Variants in CCDC186 observed in about 807,000 individuals in gnomAD.
CCDC186 encodes the protein coiled-coil domain-containing protein 186.
A neutral mutation model predicts 113.7 loss-of-function variants in CCDC186; 49 were observed. The ratio of observed to expected loss-of-function variants is 0.43; its 90% confidence interval spans 0.34 to 0.55. The LOEUF (loss-of-function observed/expected upper bound fraction) is 0.55, where lower values mean the gene tolerates loss of function less well. Ranked by LOEUF, CCDC186 falls within the 20% of genes least tolerant of loss-of-function variation. The probability of loss-of-function intolerance (pLI) is 0.02; values close to 1 mark genes in which losing one functional copy is unlikely to be tolerated. For synonymous variants in CCDC186, 355 were observed against 345.8 expected (o/e 1.03, Z -0.30); for missense variants, 890 against 1,011.1 (o/e 0.88, Z 1.62).
intron 2 of CCDC186, among the ~76,000 whole-genome samples, chr10:114,159,703 C>CT (rs1564916788): frequency 6.6e-6 from 1 of 151,316 alleles, no homozygotes; most frequent in Non-Finnish European, 1.5e-5. Flanking sequence ...GCCTGTAATC[C>CT]TGGCACTTTG....
chr10:114,166,498 T>C (rs781325303), intron 1 of CCDC186, among the ~76,000 whole-genome samples: 3 of 152,252 alleles, frequency 2.0e-5, no homozygotes, highest in Non-Finnish European at 2.9e-5. Flanking sequence ...GCCTTTCTTG[T>C]GACCTTTTTG....
rs1369045235 is a variant in CCDC186, at chr10:114,123,474, G to A, written c.*1669C>T. The A allele has an allele frequency of 1.3e-5, 2 of 152,086 alleles. No individual in the cohort carries two copies. Among genetic ancestry groups the A allele is most frequent in the Admixed American group, 1.3e-4 (2 of 15,262 alleles). The allele number at this position is 152,086 out of a possible 1,614,324, so 9.4% of individuals were successfully genotyped here. A position where few individuals can be genotyped will look rare whatever the true frequency, so the allele number is the denominator to read the frequency against. On this transcript the variant is annotated 3_prime_UTR_variant, in exon 16 of 16. Coordinates refer to ENST00000369287, the MANE Select transcript of CCDC186 (RefSeq NM_018017.4). ...CACATTAAAAGGATATTGCCACCAT[G>A]AGCCCAACTTTTAGAGCCCAAACAA...
chr10:114,140,406 A>C (rs1317451923), intron 6 of CCDC186, among the ~76,000 whole-genome samples: 2 of 152,222 alleles, frequency 1.3e-5, no homozygotes, highest in Non-Finnish European at 2.9e-5. Flanking sequence ...AATGAGATGG[A>C]TGGATTGTCA....
At chr10:114,139,817 T>C (rs1373750602) in intron 6 of CCDC186, among the ~76,000 whole-genome samples, 2 of 152,176 alleles carry the variant, frequency 1.3e-5, no homozygotes, top group Non-Finnish European at 2.9e-5. Flanking sequence ...GAAGGAACTT[T>C]ATATATGTTT....
At chr10:114,126,984 C>T (rs1419651880) in intron 14 of CCDC186, among the ~76,000 whole-genome samples, 2 of 152,058 alleles carry the variant, frequency 1.3e-5, no homozygotes, top group Non-Finnish European at 2.9e-5. Flanking sequence ...ACCTGAGCCC[C>T]ACTTATCTGC....
chr10:114,172,661 T>C (rs2032531292), intron 1 of CCDC186, among the ~76,000 whole-genome samples: 1 of 152,240 alleles, frequency 6.6e-6, no homozygotes, highest in African/African-American at 2.4e-5. Flanking sequence ...CGTTTGCCTA[T>C]TATGCTGTAA....
chr10:114,164,291 T>C (rs2119818839), intron 1 of CCDC186, among the ~76,000 whole-genome samples: 1 of 151,478 alleles, frequency 6.6e-6, no homozygotes, highest in Middle Eastern at 3.4e-3. Flanking sequence ...TGGCTAATTT[T>C]TTGTATTTTT....
At chr10:114,170,571 C>T (rs1301261292) in intron 1 of CCDC186, among the ~76,000 whole-genome samples, 2 of 152,138 alleles carry the variant, frequency 1.3e-5, no homozygotes, top group Non-Finnish European at 2.9e-5. Flanking sequence ...AATCTTCTCA[C>T]CTCAACCCCC....
intron 10 of CCDC186, among the ~76,000 whole-genome samples, chr10:114,133,445 G>A (rs564541431): frequency 1.8e-4 from 28 of 152,248 alleles, no homozygotes; most frequent in African/African-American, 6.5e-4. Flanking sequence ...CTTGTGCCTG[G>A]AGCTTAGTGA....
At chr10:114,158,836 A>G (rs191214642) in intron 2 of CCDC186, among the ~76,000 whole-genome samples, 331 of 152,340 alleles carry the variant, frequency 2.2e-3, no homozygotes, top group Admixed American at 4.5e-3. Flanking sequence ...AGGCCTTTCC[A>G]CCTTCTACTT....
At position 114,162,971 on chromosome 10, in the gene CCDC186, T is replaced by C; in HGVS notation, c.298A>G (p.Asn100Asp). 1 of 1,613,634 alleles carries C rather than the reference T, an allele frequency of 6.2e-7. No individual in the cohort carries two copies. Among genetic ancestry groups the C allele is most frequent in the South Asian group, 1.1e-5 (1 of 90,876 alleles). ...SEQIANFPSG[N>D]FAKHISKTNE... ...GTTTTTGAAATATGTTTAGCAAAAT[T>C]TCCACTAGGAAAATTAGCTATTTGT... Residue 100 changes from asparagine to aspartate, a missense_variant, in exon 2 of 16, where the codon AAT (asparagine) becomes GAT (aspartate). Coordinates refer to ENST00000369287, the MANE Select transcript of CCDC186 (RefSeq NM_018017.4).
chr10:114,157,832 T>C, intron 2 of CCDC186, 152 bp from the exon 3 acceptor site: 1 of 639,682 alleles, frequency 1.6e-6, no homozygotes, highest in Non-Finnish European at 2.4e-6. Context: ...CATTTTATAG[T>C]GAAACATAAT....
rs765037667 is a variant in CCDC186, at chr10:114,163,295, A to G, written c.-27T>C. On this transcript the variant is annotated 5_prime_UTR_variant, in exon 2 of 16. Transcript: ENST00000369287. Reference sequence around the variant, plus strand: ...CTGACTGGCACCAATTCACTTTGTAATTCTTCAAATCTGCTCCTGATCTTC... The same window carrying G: ...CTGACTGGCACCAATTCACTTTGTAGTTCTTCAAATCTGCTCCTGATCTTC... 3.9e-5 allele frequency: 61 copies of G among 1,582,318 alleles called. No homozygotes were observed. Among genetic ancestry groups the G allele is most frequent in the Non-Finnish European group, 5.2e-5 (61 of 1,171,642 alleles).
At chr10:114,154,210 C>CAAAAAAA (rs1276405190) in intron 3 of CCDC186, among the ~76,000 whole-genome samples, 2 of 81,142 alleles carry the variant, frequency 2.5e-5, no homozygotes, top group Non-Finnish European at 5.3e-5. Flanking sequence ...GACCTTGTCT[C>CAAAAAAA]AAAAAAAAAA....
intron 3 of CCDC186, 118 bp downstream of exon 3, chr10:114,157,436 C>T (rs1201583201): frequency 1.1e-6 from 1 of 898,284 alleles, no homozygotes; most frequent in Non-Finnish European, 1.6e-6. Context: ...AAGTAATCCG[C>T]CCACCTTGGC....
At position 114,162,655 on chromosome 10, in the gene CCDC186, T is replaced by C. The variant is rs1322594404; in HGVS notation, c.614A>G (p.Gln205Arg). 6.3e-7 allele frequency: 1 copy of C among 1,577,594 alleles called. No homozygotes were observed. The highest frequency in any genetic ancestry group is 2.3e-5 in the East Asian group (1 of 44,426). ...AACTTACTTTTTTATGATATGTTCC[T>C]GCTGCAAATATTTATCTTGCACACA... ...EKCVQDKYLQ[Q>R]EHIIKKLIKE... Residue 205 changes from glutamine (Q) to arginine (R), a missense_variant, in exon 2 of 16, where the codon CAG (glutamine) becomes CGG (arginine). Transcript: ENST00000369287.
intron 4 of CCDC186, 122 bp from the exon 5 acceptor site, chr10:114,145,883 C>A: frequency 2.3e-6 from 2 of 869,118 alleles, no homozygotes; most frequent in East Asian, 2.8e-5. Flanking sequence ...ACAACATTCC[C>A]AGGACTTGTG....
At chr10:114,132,216 T>A (rs1025489159) in intron 10 of CCDC186, 32 bp from the exon 11 acceptor site, 1 of 1,426,280 alleles carries the variant, frequency 7.0e-7, no homozygotes, top group Non-Finnish European at 9.5e-7. Flanking sequence ...TAAGAAAAAA[T>A]AAACCATTAA....
intron 1 of CCDC186, among the ~76,000 whole-genome samples, chr10:114,163,976 GA>G (rs564350788): frequency 2.4e-4 from 35 of 148,294 alleles, no homozygotes; most frequent in Non-Finnish European, 3.4e-4. Context: ...TTCTCATCAG[GA>G]AAAAAACAAT....
Sources: allele counts gnomAD v4.1 joint callset (sites outside exome capture counted in the v4.1 genomes callset), GRCh38; gene constraint gnomAD v4.1.1; transcripts MANE v1.5; gene names NCBI Gene and HGNC (gene_info 2026-07-23, HGNC 2026-07-21).